The following COL22A1 variants were observed in gnomAD, a reference collection of about 807,000 sequenced individuals.
The protein encoded by COL22A1 is collagen alpha-1(XXII) chain.
In COL22A1, 221 loss-of-function variants were observed where a neutral mutation model predicts 248.9. The observed-to-expected ratio is 0.89, with a 90% confidence interval of 0.80 to 0.99. The LOEUF is 0.99. Ranked by LOEUF, COL22A1 falls within the 50% of genes least tolerant of loss-of-function variation. The pLI, the probability that COL22A1 is intolerant of heterozygous loss-of-function variation, is 0.00. For synonymous variants in COL22A1, 891 were observed against 793.4 expected (o/e 1.12, Z -2.07); for missense variants, 2,240 against 2,179.0 (o/e 1.03, Z -0.56).
At chr8:138,898,499 T>C (rs891255600) in intron 1 of COL22A1, among the ~76,000 whole-genome samples, 6 of 152,132 alleles carry the variant, frequency 3.9e-5, no homozygotes, top group African/African-American at 1.4e-4. Flanking sequence ...TCTCTTACCA[T>C]AGTTTATGGG....
chr8:138,759,380 G>A (rs1172928398), intron 18 of COL22A1, among the ~76,000 whole-genome samples: 2 of 152,156 alleles, frequency 1.3e-5, no homozygotes, highest in East Asian at 1.9e-4. Context: ...GGTCTCAGCC[G>A]TCTGAGCTGA....
At chr8:138,684,046 C>T (rs1245168327) in intron 39 of COL22A1, among the ~76,000 whole-genome samples, 24 of 152,092 alleles carry the variant, frequency 1.6e-4, no homozygotes. Context: ...TATTACAAGA[C>T]CAGGAGTTCA....
At chr8:138,795,579 C>T (rs1410327766) in intron 12 of COL22A1, among the ~76,000 whole-genome samples, 1 of 141,390 alleles carries the variant, frequency 7.1e-6, no homozygotes, top group East Asian at 2.0e-4. Flanking sequence ...ATATTGTATA[C>T]ACATTTTGCA....
chr8:138,775,391 C>T (rs1052001167), intron 16 of COL22A1, among the ~76,000 whole-genome samples: 2 of 152,196 alleles, frequency 1.3e-5, no homozygotes, highest in African/African-American at 2.4e-5. Context: ...TCCACTGTTA[C>T]CTGGCAGCAG....
intron 32 of COL22A1, among the ~76,000 whole-genome samples, chr8:138,698,320 C>T (rs1430302051): frequency 6.6e-6 from 1 of 152,200 alleles, no homozygotes; most frequent in African/African-American, 2.4e-5. Context: ...CTATGGCTGA[C>T]ACACTAGCCC....
In COL22A1 at chr8:138,660,626, A is replaced by G. The variant is rs541703602; in HGVS notation, c.3241-146T>C. On this transcript the variant is annotated intron_variant, in intron 43 of 64. Coordinates refer to ENST00000303045, the MANE Select transcript of COL22A1 (RefSeq NM_152888.3). ...TCAGACCATGAGGATTGGCACCAAT[A>G]AAAATGCGTGGTTTCTAATCTCAGC... 3.6e-4 allele frequency: 240 copies of G among 673,516 alleles called. No homozygotes were observed. In the African/African-American group the frequency reaches 3.9e-3, roughly 11 times the overall value. The allele number at this position is 673,516 out of a possible 1,614,324, so 41.7% of individuals were successfully genotyped here.
At chr8:138,906,969 A>C (rs1229600560) in intron 1 of COL22A1, among the ~76,000 whole-genome samples, 1 of 152,156 alleles carries the variant, frequency 6.6e-6, no homozygotes, top group Non-Finnish European at 1.5e-5. Context: ...TTCTTTGACT[A>C]ATCACCAGTG....
intron 1 of COL22A1, among the ~76,000 whole-genome samples, chr8:138,892,274 G>A (rs562876716): frequency 6.6e-6 from 1 of 152,166 alleles, no homozygotes; most frequent in Non-Finnish European, 1.5e-5. Context: ...AGGAAGCCCT[G>A]GTATGGAATC....
chr8:138,789,448 TA>T (rs1815840255), intron 12 of COL22A1, among the ~76,000 whole-genome samples: 1 of 152,212 alleles, frequency 6.6e-6, no homozygotes, highest in African/African-American at 2.4e-5. Context: ...GGGTGCTGAT[TA>T]AGCCAGCCAT....
chr8:138,777,771 A>G (rs10100867), intron 15 of COL22A1: 47,158 of 156,406 alleles, frequency 0.3, 7,798 homozygotes, highest in African/African-American at 0.43. Flanking sequence ...TCTATCATTG[A>G]TGCACATTTG....
intron 3 of COL22A1, among the ~76,000 whole-genome samples, chr8:138,873,959 T>C (rs76083806): frequency 0.011 from 1,691 of 152,358 alleles, 18 homozygotes; most frequent in Admixed American, 0.023. Context: ...GTGGCCTCTA[T>C]TGAGACTAGT....
At chr8:138,682,169 A>G (rs938734716) in intron 39 of COL22A1, among the ~76,000 whole-genome samples, 1 of 152,192 alleles carries the variant, frequency 6.6e-6, no homozygotes, top group Non-Finnish European at 1.5e-5. Context: ...AACATCTCCT[A>G]CTGTTTGGAG....
intron 30 of COL22A1, among the ~76,000 whole-genome samples, chr8:138,713,250 G>C (rs557668979): frequency 6.6e-6 from 1 of 152,194 alleles, no homozygotes; most frequent in East Asian, 1.9e-4. Context: ...GGGGTGGGGG[G>C]GCGGTGCTTT....
At chr8:138,724,960 T>G (rs1830187466) in intron 24 of COL22A1, among the ~76,000 whole-genome samples, 1 of 152,182 alleles carries the variant, frequency 6.6e-6, no homozygotes, top group South Asian at 2.1e-4. Context: ...ACTCCGTAGG[T>G]GGGTGTGGAT....
intron 30 of COL22A1, among the ~76,000 whole-genome samples, chr8:138,704,377 T>C (rs1586511564): frequency 6.6e-6 from 1 of 152,172 alleles, no homozygotes; most frequent in African/African-American, 2.4e-5. Context: ...CACCTCCCAG[T>C]AGGGGCCAAC....
At chr8:138,760,596 A>C (rs73359100) in intron 17 of COL22A1, among the ~76,000 whole-genome samples, 7,983 of 152,224 alleles carry the variant, frequency 0.052, 251 homozygotes, top group African/African-American at 0.054. Flanking sequence ...GAGGAAGAAG[A>C]AGCACATAAC....
chr8:138,658,332 AC>A (rs1326226533), intron 44 of COL22A1, among the ~76,000 whole-genome samples: 1 of 152,164 alleles, frequency 6.6e-6, no homozygotes, highest in African/African-American at 2.4e-5. Flanking sequence ...GTCTTTGTTT[AC>A]CTGTGTTCTT....
intron 2 of COL22A1, among the ~76,000 whole-genome samples, chr8:138,879,058 C>T (rs1338600987): frequency 6.6e-6 from 1 of 152,134 alleles, no homozygotes; most frequent in East Asian, 1.9e-4. Context: ...CATATTCCCA[C>T]ACAGAGATAA....
At chr8:138,771,495 A>T (rs1255592737) in intron 16 of COL22A1, among the ~76,000 whole-genome samples, 1 of 152,174 alleles carries the variant, frequency 6.6e-6, no homozygotes, top group Non-Finnish European at 1.5e-5. Flanking sequence ...TCCAAGTCTG[A>T]TAATTTAGGA....
Sources: allele counts gnomAD v4.1 joint callset (sites outside exome capture counted in the v4.1 genomes callset), GRCh38; gene constraint gnomAD v4.1.1; transcripts MANE v1.5; gene names NCBI Gene and HGNC (gene_info 2026-07-23, HGNC 2026-07-21).